The following JAG2 variants were observed in gnomAD, a reference collection of about 807,000 sequenced individuals.
JAG2 encodes jagged canonical Notch ligand 2, also known as protein jagged-2.
Under a neutral mutation model 141.7 loss-of-function variants are expected in JAG2, and 46 were observed. The observed-to-expected ratio is 0.32, with a 90% confidence interval of 0.26 to 0.42. JAG2 has a LOEUF of 0.42. Ranked by LOEUF, JAG2 falls within the 10% of genes least tolerant of loss-of-function variation. JAG2 has a pLI of 1.00. For synonymous variants in JAG2, 862 were observed against 763.5 expected, an observed-to-expected ratio of 1.13 and a Z score of -2.13; for missense variants, 1,500 against 1,817.5, an observed-to-expected ratio of 0.83 and a Z score of 3.18.
chr14:105,148,850 C>T lies in JAG2; in HGVS notation c.1915G>A (p.Asp639Asn), dbSNP rs1245611798. 1.6e-5 allele frequency: 26 copies of T among 1,591,798 alleles called. No homozygotes were observed. The highest frequency in any genetic ancestry group is 1.1e-5 in the South Asian group (1 of 88,044). ...TTGCGGCAGGGCTGGCCCAGGCAGT[C>T]GTCAATGTCTGCAGAGGCGAGCGGG... Reference protein sequence around the residue: ...TGTYCHENIDDCLGQPCRNGG... With the variant: ...TGTYCHENIDNCLGQPCRNGG... Residue 639 changes from aspartate (D) to asparagine (N), a missense_variant, in exon 15 of 26, where the codon GAC becomes AAC. Asp to Asn is a conservative substitution (Grantham distance 23). Coordinates refer to ENST00000331782, the MANE Select transcript of JAG2 (RefSeq NM_002226.5).
At chr14:105,161,588 C>T (rs1888749400) in intron 2 of JAG2, among the ~76,000 whole-genome samples, 1 of 152,078 alleles carries the variant, frequency 6.6e-6, no homozygotes, top group Non-Finnish European at 1.5e-5. Context: ...CAGCTGGGGT[C>T]CCTACACCTG....
intron 2 of JAG2, among the ~76,000 whole-genome samples, chr14:105,162,414 G>A (rs587681742): frequency 4.8e-4 from 73 of 152,038 alleles, no homozygotes; most frequent in South Asian, 2.1e-4. Flanking sequence ...AACAGCAGTG[G>A]CACAAGCCAG....
In JAG2 at chr14:105,145,027, C is replaced by T. The variant is rs1486931022; in HGVS notation, c.2987G>A (p.Arg996His). The change falls in exon 24 of 26, where the codon CGC (arginine) becomes CAC (histidine). Residue 996 changes from arginine (R) to histidine (H), a missense_variant. Transcript: ENST00000331782. ...TTVGAICSGIRSLPATRAVAR... is the reference protein window; with the variant it reads ...TTVGAICSGIHSLPATRAVAR... ...CACAGCCCTTGTGGCTGGCAGGGAG[C>T]GGATCCCGGAGCAAATGGCGCCCAC... is the stretch of plus-strand genomic sequence containing the variant. The T allele has an allele frequency of 7.5e-6, 12 of 1,609,840 alleles. No individual in the cohort carries two copies. The highest frequency in any genetic ancestry group is 3.3e-5 in the South Asian group (3 of 91,056).
chr14:105,168,031 G>A lies in JAG2; in HGVS notation c.143C>T (p.Ala48Val). The change falls in exon 2 of 26, where the codon GCC becomes GTC. Residue 48 changes from alanine (A) to valine (V), a missense_variant. Around this residue, in one of 3 missense-constraint regions of JAG2, gnomAD observed 200 missense variants for 174.3 expected, o/e 1.15. Transcript: ENST00000331782. The part of the protein sequence containing the change: ...RNVNGELLSG[A>V]CCDGDGRTTR... ...TGTCCGGCCGTCGCCGTCACAGCAGGCGCCGCTCAGCAGCTCCCCGTTCAC... is the reference window on the plus strand; with the variant it reads ...TGTCCGGCCGTCGCCGTCACAGCAGACGCCGCTCAGCAGCTCCCCGTTCAC... 1 of 1,595,770 alleles carries A rather than the reference G, an allele frequency of 6.3e-7. No homozygotes were observed. Among genetic ancestry groups the A allele is most frequent in the Non-Finnish European group, 8.5e-7 (1 of 1,176,678 alleles).
rs1427001306 is a variant in JAG2, at chr14:105,147,509, G to A, written c.2384C>T (p.Pro795Leu). The change falls in exon 19 of 26, where the codon CCT becomes CTT. Residue 795 changes from proline (P) to leucine (L), a missense_variant. By Grantham distance (98) the Pro-to-Leu change is moderately conservative. Transcript: ENST00000331782. ...TCTHNTNDCNPLPCYNGGICV... is the reference protein window; with the variant it reads ...TCTHNTNDCNLLPCYNGGICV... ...CCAGGGTGCCACTCACCAAGGCAGA[G>A]GGTTGCAGTCGTTGGTATCTGGTTT... 3.1e-6 allele frequency: 5 copies of A among 1,612,274 alleles called. No homozygotes were observed. The highest frequency in any genetic ancestry group is 1.7e-6 in the Non-Finnish European group (2 of 1,179,420).
In JAG2 at chr14:105,144,990, G is replaced by A. The variant is rs779036492; in HGVS notation, c.3024C>T (p.Arg1008=). 6.2e-5 allele frequency: 100 copies of A among 1,608,992 alleles called. No homozygotes were observed. The highest frequency in any genetic ancestry group is 8.1e-5 in the Non-Finnish European group (96 of 1,179,640). ...LPATRAVARD[R]LLVLLCDRAS... is the part of the protein sequence containing the mutation. ...CCCGGTCGCAAAGCAACACCAGCAG[G>A]CGGTCCCGTGCCACAGCCCTTGTGG... is the stretch of plus-strand genomic sequence containing the variant. The change falls in exon 24 of 26, where the codon CGC becomes CGT. Residue 1008 remains arginine (R), a synonymous_variant. Coordinates refer to ENST00000331782, the MANE Select transcript of JAG2 (RefSeq NM_002226.5).
rs587728046 is a variant in JAG2, at chr14:105,142,808, T to G, written c.3604A>C (p.Thr1202Pro). The G allele has an allele frequency of 6.2e-7, 1 of 1,610,692 alleles. No homozygotes were observed. The highest frequency in any genetic ancestry group is 1.1e-5 in the South Asian group (1 of 90,646). ...EAEKFLSHKF[T>P]KDPGRSPGRP... ...CCCGGCGAGCGGCCAGGATCTTTGG[T>G]GAATTTGTGTGAGAGGAACTTCTCC... is the stretch of plus-strand genomic sequence containing the variant. The change falls in exon 26 of 26, where the codon ACC (threonine) becomes CCC (proline). Residue 1202 changes from threonine to proline, a missense_variant. Physicochemically the swap from Thr to Pro is conservative, Grantham distance 38. Around this residue, in one of 3 missense-constraint regions of JAG2, gnomAD observed 425 missense variants for 441.0 expected, o/e 0.96. Transcript: ENST00000331782.
At chr14:105,163,448 G>A (rs1049674302) in intron 2 of JAG2, among the ~76,000 whole-genome samples, 37 of 152,116 alleles carry the variant, frequency 2.4e-4, no homozygotes, top group African/African-American at 7.7e-4. Context: ...CCGTGAAGAC[G>A]GTGGCAGCCA....
intron 15 of JAG2, 105 bp downstream of exon 15, chr14:105,148,640 C>A: frequency 8.9e-7 from 1 of 1,119,454 alleles, no homozygotes; most frequent in Non-Finnish European, 1.3e-6. Context: ...CCAGGCCTTT[C>A]TGGGTACGGG....
chr14:105,155,682 C>T, intron 4 of JAG2, 56 bp downstream of exon 4: 1 of 1,612,358 alleles, frequency 6.2e-7, no homozygotes, highest in South Asian at 1.1e-5. Context: ...AGGCCTGTGC[C>T]CGGGGCCCTG....
chr14:105,145,091 G>C (rs370137728), intron 23 of JAG2, 30 bp from the exon 24 acceptor site: 3 of 1,607,462 alleles, frequency 1.9e-6, no homozygotes, highest in Non-Finnish European at 2.5e-6. Flanking sequence ...GCGTGGGCAG[G>C]GCAGGGCCGT....
At chr14:105,145,409 T>C (rs587698306) in intron 23 of JAG2, among the ~76,000 whole-genome samples, 2 of 152,316 alleles carry the variant, frequency 1.3e-5, no homozygotes, top group South Asian at 2.1e-4. Context: ...AGGTGGCTCC[T>C]AGGCCAGGGC....
intron 2 of JAG2, among the ~76,000 whole-genome samples, chr14:105,165,647 C>T (rs1888886621): frequency 6.6e-6 from 1 of 152,178 alleles, no homozygotes. Context: ...CCTGGGTCAA[C>T]AGCAGAGACC....
chr14:105,161,986 C>T (rs2140992303), intron 2 of JAG2, among the ~76,000 whole-genome samples: 1 of 152,314 alleles, frequency 6.6e-6, no homozygotes, highest in Non-Finnish European at 1.5e-5. Flanking sequence ...GACTATAGGG[C>T]CTGGATTGGG....
chr14:105,146,340 G>T, intron 22 of JAG2, 45 bp downstream of exon 22: 1 of 1,511,412 alleles, frequency 6.6e-7, no homozygotes, highest in Non-Finnish European at 9.2e-7. Flanking sequence ...GGGTCAGCGT[G>T]CACCAGCCTC....
At chr14:105,166,585 C>T (rs902678522) in intron 2 of JAG2, among the ~76,000 whole-genome samples, 1 of 152,200 alleles carries the variant, frequency 6.6e-6, no homozygotes, top group South Asian at 2.1e-4. Flanking sequence ...CCAGCTTCCA[C>T]GGGTGGGAGC....
At chr14:105,162,011 C>T (rs920892421) in intron 2 of JAG2, among the ~76,000 whole-genome samples, 1 of 152,162 alleles carries the variant, frequency 6.6e-6, no homozygotes, top group Non-Finnish European at 1.5e-5. Flanking sequence ...GGTTGGCGGG[C>T]ATGTTGCCCT....
Position 105,150,628 on chromosome 14 carries a change from C to T in JAG2, c.1578G>A (p.Gln526=). ...LADGFHCHCP[Q]GFSGPLCEVD... Reference sequence around the variant, plus strand: ...CCTCACAGAGAGGCCCGGAGAAGCCCTGGGGGCAGTGGCAGTGGAAGCCGT... The same window carrying T: ...CCTCACAGAGAGGCCCGGAGAAGCCTTGGGGGCAGTGGCAGTGGAAGCCGT... Residue 526 remains glutamine (Q), a synonymous_variant, in exon 12 of 26, where the codon CAG becomes CAA. Transcript: ENST00000331782. The T allele has an allele frequency of 6.5e-7, 1 of 1,549,484 alleles. No homozygotes were observed. The highest frequency in any genetic ancestry group is 1.4e-5 in the African/African-American group (1 of 73,146).
chr14:105,147,427 T>C lies in JAG2; in HGVS notation c.2394-16A>G. ...ACCATTGTAGCTGCAGAGCAGAGGG[T>C]GGGCATCAGGTGGCCCCCCGTGGTA... On this transcript the variant is annotated splice_polypyrimidine_tract_variant and intron_variant, in intron 19 of 25. Transcript: ENST00000331782. 2 of 1,610,376 alleles carry C rather than the reference T, an allele frequency of 1.2e-6. No homozygotes were observed. Among genetic ancestry groups the C allele is most frequent in the South Asian group, 2.2e-5 (2 of 90,766 alleles).
Sources: gnomAD v4.1 joint callset for allele counts (sites outside exome capture counted in the v4.1 genomes callset) on GRCh38, gnomAD v4.1.1 for gene constraint, gnomAD v4.1.1 regional missense constraint, MANE v1.5 for transcripts, NCBI Gene and HGNC (gene_info 2026-07-23, HGNC 2026-07-21) for gene names.